GPC6: variants seen among roughly 807,000 people sequenced by gnomAD.
The protein encoded by GPC6 is glypican 6.
GPC6 carries 14 observed loss-of-function variants against 55.2 expected under a neutral mutation model. The ratio of observed to expected loss-of-function variants is 0.25; its 90% CI spans 0.17 to 0.40. The LOEUF is 0.40. GPC6 is among the 10% of genes least tolerant of loss of function. The pLI is 1.00. For synonymous variants in GPC6, 278 were observed against 259.6 expected, an observed-to-expected ratio of 1.07 and a Z score of -0.68; for missense variants, 641 against 708.5, an observed-to-expected ratio of 0.90 and a Z score of 1.08.
chr13:93,421,535 G>A (rs1876923942), intron 1 of GPC6, among the ~76,000 whole-genome samples: 1 of 152,050 alleles, frequency 6.6e-6, no homozygotes, highest in Non-Finnish European at 1.5e-5. Flanking sequence ...GAACAACGTC[G>A]AGCTATATAC....
chr13:93,548,475 G>A (rs1039668645), intron 2 of GPC6, among the ~76,000 whole-genome samples: 1 of 152,172 alleles, frequency 6.6e-6, no homozygotes, highest in Non-Finnish European at 1.5e-5. Flanking sequence ...TACTGTATGA[G>A]AAATGCTTTG....
chr13:93,428,536 G>C (rs1877238721), intron 1 of GPC6, among the ~76,000 whole-genome samples: 1 of 152,110 alleles, frequency 6.6e-6, no homozygotes, highest in Admixed American at 6.6e-5. Context: ...TCTACTCTGG[G>C]GGTGGATTTT....
chr13:94,403,135 C>T lies in GPC6; in HGVS notation c.1586C>T (p.Ser529Phe). The T allele has an allele frequency of 6.2e-7, 1 of 1,613,910 alleles. No individual in the cohort carries two copies. Among genetic ancestry groups the T allele is most frequent in the Non-Finnish European group, 8.5e-7 (1 of 1,179,752 alleles). The change falls in exon 9 of 9, where the codon TCT (serine) becomes TTT (phenylalanine). Residue 529 changes from serine to phenylalanine, a missense_variant. Transcript: ENST00000377047. ...AVDPDRREVD[S>F]SAAQRGHSLL... ...GATCCCGACCGGAGAGAGGTGGACT[C>T]TTCTGCAGCCCAGCGTGGCCACTCC...
At chr13:93,808,353 G>A in intron 2 of GPC6, among the ~76,000 whole-genome samples, 1 of 152,128 alleles carries the variant, frequency 6.6e-6, no homozygotes, top group Non-Finnish European at 1.5e-5. Flanking sequence ...GACTCCAAGT[G>A]CTAATTTAAC....
At chr13:93,403,060 G>T (rs753004371) in intron 1 of GPC6, among the ~76,000 whole-genome samples, 1 of 152,098 alleles carries the variant, frequency 6.6e-6, no homozygotes, top group Non-Finnish European at 1.5e-5. Context: ...CATTCTCAAT[G>T]TCAATAAAAA....
At chr13:93,368,875 G>T (rs892779209) in intron 1 of GPC6, among the ~76,000 whole-genome samples, 3 of 152,098 alleles carry the variant, frequency 2.0e-5, no homozygotes, top group Non-Finnish European at 4.4e-5. Flanking sequence ...GGACAGGTTT[G>T]CAGACTGTTT....
chr13:93,524,148 A>G (rs1881557144), intron 1 of GPC6, among the ~76,000 whole-genome samples: 1 of 151,962 alleles, frequency 6.6e-6, no homozygotes, highest in South Asian at 2.1e-4. Context: ...TTAAAGACAA[A>G]AATACCCAAC....
At chr13:93,320,903 C>T (rs1474544114) in intron 1 of GPC6, among the ~76,000 whole-genome samples, 1 of 151,932 alleles carries the variant, frequency 6.6e-6, no homozygotes, top group Non-Finnish European at 1.5e-5. Context: ...GCTAATTCAA[C>T]GAATTTCTAT....
At chr13:93,666,204 G>C (rs545502080) in intron 2 of GPC6, among the ~76,000 whole-genome samples, 2 of 152,148 alleles carry the variant, frequency 1.3e-5, no homozygotes, top group Non-Finnish European at 2.9e-5. Context: ...AAATCTGTGA[G>C]CAAATAAATA....
intron 7 of GPC6, among the ~76,000 whole-genome samples, chr13:94,386,174 A>G (rs1239457097): frequency 1.3e-5 from 2 of 152,042 alleles, no homozygotes; most frequent in African/African-American, 4.8e-5. Context: ...CCTGGCTAAC[A>G]TGGTGAAACC....
At chr13:93,759,780 A>G (rs1458486953) in intron 2 of GPC6, among the ~76,000 whole-genome samples, 2 of 152,142 alleles carry the variant, frequency 1.3e-5, no homozygotes, top group Non-Finnish European at 2.9e-5. Context: ...ACCCACCCAA[A>G]CAAACTGTAA....
chr13:94,192,842 G>T (rs1889441845), intron 4 of GPC6, among the ~76,000 whole-genome samples: 1 of 152,168 alleles, frequency 6.6e-6, no homozygotes, highest in Non-Finnish European at 1.5e-5. Context: ...GCCCCAATTT[G>T]GTGGTACAGG....
intron 3 of GPC6, among the ~76,000 whole-genome samples, chr13:93,960,978 A>G (rs372634561): frequency 1.3e-5 from 2 of 151,832 alleles, no homozygotes; most frequent in Non-Finnish European, 2.9e-5. Flanking sequence ...ACGTCCGGCT[A>G]ATTTTTTTGT....
chr13:93,467,959 A>G (rs1041517870), intron 1 of GPC6, among the ~76,000 whole-genome samples: 1 of 152,008 alleles, frequency 6.6e-6, no homozygotes, highest in African/African-American at 2.4e-5. Flanking sequence ...TGGTCTTGTG[A>G]GCTTGAATGT....
intron 1 of GPC6, among the ~76,000 whole-genome samples, chr13:93,402,647 G>T (rs1272849895): frequency 1.3e-5 from 2 of 152,162 alleles, no homozygotes; most frequent in African/African-American, 2.4e-5. Flanking sequence ...TATCTGGAAA[G>T]CTCCCAAAAT....
chr13:93,377,007 C>G (rs1022724622), intron 1 of GPC6, among the ~76,000 whole-genome samples: 4 of 152,128 alleles, frequency 2.6e-5, no homozygotes, highest in African/African-American at 9.7e-5. Context: ...AATTTATGTT[C>G]TGAAATCTTG....
At chr13:93,538,865 G>GA (rs1391682374) in intron 1 of GPC6, among the ~76,000 whole-genome samples, 4 of 150,610 alleles carry the variant, frequency 2.7e-5, no homozygotes, top group African/African-American at 9.8e-5. Context: ...TCCACTGAAT[G>GA]TTCTATTTTT....
chr13:94,232,986 CTTTTTTTTTTTTT>C, intron 4 of GPC6, among the ~76,000 whole-genome samples: 1 of 80,638 alleles, frequency 1.2e-5, no homozygotes, highest in East Asian at 3.5e-4. Context: ...GGTTTTATAA[CTTTTTTTTTTTTT>C]TTTTTTTTTT....
intron 1 of GPC6, among the ~76,000 whole-genome samples, chr13:93,451,091 A>G (rs1878207244): frequency 6.6e-6 from 1 of 152,222 alleles, no homozygotes. Context: ...AGAGAGAGAG[A>G]AAAGAATCAA....
Sources: allele counts gnomAD v4.1 joint callset (sites outside exome capture counted in the v4.1 genomes callset), GRCh38; gene constraint gnomAD v4.1.1; transcripts MANE v1.5; gene names NCBI Gene and HGNC (gene_info 2026-07-23, HGNC 2026-07-21).